The following TOPBP1 variants were observed in gnomAD, a reference collection of about 807,000 sequenced individuals.
The protein encoded by TOPBP1 is DNA topoisomerase 2-binding protein 1.
TOPBP1 carries 28 observed loss-of-function variants against 167.7 expected under a neutral mutation model. That is an observed-to-expected ratio of 0.17 (90% CI 0.12 to 0.23). The LOEUF is 0.23. TOPBP1 is among the 10% of genes least tolerant of loss of function. The pLI, the probability that TOPBP1 is intolerant of heterozygous loss-of-function variation, is 1.00. For missense variants in TOPBP1, 1,554 were observed against 1,809.6 expected (o/e 0.86, Z 2.56); for synonymous variants, 598 against 611.4 (o/e 0.98, Z 0.32).
rs1166684278 is a variant in TOPBP1, at chr3:133,605,481, A to G, written c.4425+3054T>C. On this transcript the variant is annotated intron_variant, in intron 27 of 27. Coordinates refer to ENST00000260810, the MANE Select transcript of TOPBP1 (RefSeq NM_007027.4). The stretch of plus-strand genomic sequence containing the variant: ...GTGGGACTGATACATGAAACTTAAC[A>G]TTTGAAAATGTAATTCCCCATAGTA... 1.4e-4 allele frequency among the ~76,000 whole-genome samples: 4 copies of G among 29,006 alleles called. No individual in the cohort carries two copies. In the African/African-American group the frequency reaches 1.7e-3, roughly 12 times the overall value. 19.0% of individuals were successfully genotyped at this position (29,006 alleles called of 152,430 possible).
At position 133,644,281 on chromosome 3, in the gene TOPBP1, C is replaced by G; in HGVS notation, c.1587G>C (p.Leu529Phe). ...EPLNDSTHIS[L>F]QEENQSSVSH... Reference sequence around the variant, plus strand: ...TGACAGAAGACTGGTTTTCTTCTTGCAAAGAAATGTGAGTAGAATCATTCA... The same window carrying G: ...TGACAGAAGACTGGTTTTCTTCTTGGAAAGAAATGTGAGTAGAATCATTCA... Residue 529 changes from leucine (L) to phenylalanine (F), a missense_variant, in exon 11 of 28, where the codon TTG becomes TTC. Physicochemically the swap from Leu to Phe is conservative, Grantham distance 22. This residue lies in a region of TOPBP1 where 1,197 missense variants were observed against 1,351.5 expected (regional missense o/e 0.89). Coordinates refer to ENST00000260810, the MANE Select transcript of TOPBP1 (RefSeq NM_007027.4). The G allele has an allele frequency of 6.2e-7, 1 of 1,613,632 alleles. No homozygotes were observed. The highest frequency in any genetic ancestry group is 1.1e-5 in the South Asian group (1 of 91,022).
In TOPBP1 at chr3:133,657,920, G is replaced by C; in HGVS notation, c.241C>G (p.Pro81Ala). ...LKKLGCRIVG[P>A]QVVIFCMHHQ... The stretch of plus-strand genomic sequence containing the variant: ...TGCATACAAAATATGACTACTTGAG[G>C]ACCAACAATTCTGCAGCCAAGCTAC... Residue 81 changes from proline (P) to alanine (A), a missense_variant, in exon 4 of 28, where the codon CCT (proline) becomes GCT (alanine). Transcript: ENST00000260810. 6.4e-7 allele frequency: 1 copy of C among 1,572,370 alleles called. No individual in the cohort carries two copies. The highest frequency in any genetic ancestry group is 8.6e-7 in the Non-Finnish European group (1 of 1,165,940).
chr3:133,609,216 T>C (rs1218940838), intron 25 of TOPBP1, among the ~76,000 whole-genome samples: 5 of 152,150 alleles, frequency 3.3e-5, no homozygotes, highest in Admixed American at 6.5e-5. Flanking sequence ...AGCAGTGTGA[T>C]TGATGTTTAG....
chr3:133,652,781 T>C (rs1014710261), intron 7 of TOPBP1, among the ~76,000 whole-genome samples, 152 bp from the exon 8 acceptor site: 2 of 152,148 alleles, frequency 1.3e-5, no homozygotes, highest in African/African-American at 4.8e-5. Flanking sequence ...TGGCAAAGTA[T>C]AAAAAGGGAA....
At chr3:133,642,392 T>G (rs62282423) in intron 12 of TOPBP1, among the ~76,000 whole-genome samples, 2,196 of 152,306 alleles carry the variant, frequency 0.014, 30 homozygotes, top group Middle Eastern at 0.037. Flanking sequence ...TCTTTTAGCT[T>G]ATAGGTTCCT....
intron 20 of TOPBP1, among the ~76,000 whole-genome samples, chr3:133,618,889 G>T (rs1055161587): frequency 6.6e-6 from 1 of 152,078 alleles, no homozygotes; most frequent in East Asian, 1.9e-4. Context: ...GAGGCTTGCT[G>T]TAAAGGCTGC....
At chr3:133,638,412 A>C (rs1344374644) in intron 13 of TOPBP1, among the ~76,000 whole-genome samples, 4 of 152,222 alleles carry the variant, frequency 2.6e-5, no homozygotes, top group Non-Finnish European at 5.9e-5. Flanking sequence ...ATATATGTTG[A>C]GTTAGACAAG....
At chr3:133,628,037 A>T in intron 16 of TOPBP1, 1 of 232,970 alleles carries the variant, frequency 4.3e-6, no homozygotes, top group Non-Finnish European at 8.4e-6. Context: ...AATAGACTCT[A>T]AACTCCTTGA....
rs758032704 is a variant in TOPBP1, at chr3:133,617,205, G to A, written c.3714C>T (p.Ala1238=). 2 of 1,613,730 alleles carry A rather than the reference G, an allele frequency of 1.2e-6. No homozygotes were observed. Among genetic ancestry groups the A allele is most frequent in the Non-Finnish European group, 1.7e-6 (2 of 1,179,812 alleles). ...CCACAGGGGGGTTGGCGAGTGGAAA[G>A]GCAATACTGGGGGCTTGAGGCGTAG... is the stretch of plus-strand genomic sequence containing the variant. ...LIPTPQAPSI[A]FPLANPPVAP... is the part of the protein sequence containing the mutation. Residue 1238 remains alanine, a synonymous_variant, in exon 22 of 28, where the codon GCC becomes GCT. Transcript: ENST00000260810.
At chr3:133,644,481 A>G (rs1436824438) in intron 10 of TOPBP1, 118 bp from the exon 11 acceptor site, 2 of 983,294 alleles carry the variant, frequency 2.0e-6, no homozygotes, top group East Asian at 2.7e-5. Context: ...ACAAAACTAA[A>G]GCTTACGTGT....
chr3:133,639,180 T>C (rs1240152093), intron 13 of TOPBP1, among the ~76,000 whole-genome samples: 2 of 152,212 alleles, frequency 1.3e-5, no homozygotes, highest in Non-Finnish European at 1.5e-5. Flanking sequence ...ATTGCAGCAC[T>C]ATTCACAATA....
chr3:133,654,424 G>C (rs1471103772), intron 6 of TOPBP1, among the ~76,000 whole-genome samples: 1 of 152,076 alleles, frequency 6.6e-6, no homozygotes, highest in Non-Finnish European at 1.5e-5. Flanking sequence ...AAGGTTTTTT[G>C]GCATTCTTGA....
chr3:133,624,082 T>C lies in TOPBP1; in HGVS notation c.2898A>G (p.Val966=). The C allele has an allele frequency of 1.2e-6, 2 of 1,613,804 alleles. No homozygotes were observed. Among genetic ancestry groups the C allele is most frequent in the Non-Finnish European group, 1.7e-6 (2 of 1,179,796 alleles). The change falls in exon 17 of 28, where the codon GTA becomes GTG. Residue 966 remains valine, a synonymous_variant. Transcript: ENST00000260810. ...AAAGCCAGTGCTCGGAAACAATGTG[T>C]ACTCCTCTTTCTTTTACAGATTTAT... The part of the protein sequence containing the change: ...REYKSVKERG[V]HIVSEHWLLD...
At chr3:133,611,675 T>C (rs927614419) in intron 24 of TOPBP1, among the ~76,000 whole-genome samples, 2 of 152,254 alleles carry the variant, frequency 1.3e-5, no homozygotes, top group Non-Finnish European at 2.9e-5. Context: ...GGCTTTGTTA[T>C]TGAAAAAGCT....
intron 8 of TOPBP1, among the ~76,000 whole-genome samples, chr3:133,650,783 T>C (rs1936266990): frequency 6.6e-6 from 1 of 152,140 alleles, no homozygotes; most frequent in Non-Finnish European, 1.5e-5. Flanking sequence ...AAGCTATATC[T>C]AGAATTAGTA....
At chr3:133,659,262 TCTCACTTAGAC>T in intron 2 of TOPBP1, 112 bp from the exon 3 acceptor site, 1 of 1,125,712 alleles carries the variant, frequency 8.9e-7, no homozygotes, top group Non-Finnish European at 1.2e-6. Flanking sequence ...CACCATCACA[TCTCACTTAGAC>T]CTCTGCAGAA....
intron 14 of TOPBP1, among the ~76,000 whole-genome samples, chr3:133,632,849 T>C (rs1477089653): frequency 2.0e-5 from 3 of 152,202 alleles, no homozygotes; most frequent in African/African-American, 7.2e-5. Flanking sequence ...CACTGCCCAC[T>C]GCGTCCTCTA....
intron 10 of TOPBP1, 36 bp from the exon 11 acceptor site, chr3:133,644,399 T>C: frequency 6.7e-7 from 1 of 1,494,634 alleles, no homozygotes; most frequent in Non-Finnish European, 8.9e-7. Flanking sequence ...TAACCAACAA[T>C]TTACCTTATA....
chr3:133,648,742 G>A (rs1186442947), intron 10 of TOPBP1, among the ~76,000 whole-genome samples: 1 of 151,936 alleles, frequency 6.6e-6, no homozygotes, highest in African/African-American at 2.4e-5. Context: ...AGGTTGCAGT[G>A]AGCTGAGATC....
Sources: gnomAD v4.1 joint callset for allele counts (sites outside exome capture counted in the v4.1 genomes callset) on GRCh38, gnomAD v4.1.1 for gene constraint, gnomAD v4.1.1 regional missense constraint, MANE v1.5 for transcripts, NCBI Gene and HGNC (gene_info 2026-07-23, HGNC 2026-07-21) for gene names.